CADM2: variants seen among roughly 807,000 people sequenced by gnomAD.
The protein encoded by CADM2 is immunoglobulin superfamily member 4D.
A neutral mutation model predicts 49.8 loss-of-function variants in CADM2; 12 were observed. That is an observed-to-expected ratio of 0.24 (90% confidence interval 0.15 to 0.39). The LOEUF is 0.39. Among genes scored for constraint, CADM2 ranks in the 10% least tolerant of loss-of-function variants. The pLI is 1.00. For missense variants in CADM2, 378 were observed against 492.3 expected, an observed-to-expected ratio of 0.77 and a Z score of 2.20; for synonymous variants, 214 against 175.4, an observed-to-expected ratio of 1.22 and a Z score of -1.74.
At chr3:85,765,538 C>T (rs1051500483) in intron 2 of CADM2, among the ~76,000 whole-genome samples, 1 of 151,992 alleles carries the variant, frequency 6.6e-6, no homozygotes, top group African/African-American at 2.4e-5. Flanking sequence ...GTCATAGTAT[C>T]TCCCTATTTC....
chr3:85,870,444 T>C (rs1457743591), intron 3 of CADM2, among the ~76,000 whole-genome samples: 1 of 152,090 alleles, frequency 6.6e-6, no homozygotes, highest in African/African-American at 2.4e-5. Context: ...GTCTGTTCCC[T>C]TCTTTGTGTC....
intron 6 of CADM2, among the ~76,000 whole-genome samples, chr3:85,923,796 T>C (rs972096658): frequency 1.1e-4 from 16 of 152,332 alleles, no homozygotes; most frequent in African/African-American, 3.8e-4. Flanking sequence ...CAGCTCCCTG[T>C]GGTTATCGGC....
chr3:85,980,439 G>C (rs2108667184), intron 8 of CADM2, among the ~76,000 whole-genome samples: 1 of 151,452 alleles, frequency 6.6e-6, no homozygotes, highest in South Asian at 2.1e-4. Flanking sequence ...TTTTAATAAT[G>C]ACATCAACTA....
chr3:85,138,224 A>T (rs1270643259), intron 1 of CADM2, among the ~76,000 whole-genome samples: 2 of 152,232 alleles, frequency 1.3e-5, no homozygotes, highest in South Asian at 4.1e-4. Flanking sequence ...CTTTATCTGC[A>T]GTGTCATGGG....
Position 85,456,901 on chromosome 3 carries a change from G to A in CADM2, c.62-269621G>A, listed in dbSNP as rs182619418. The stretch of plus-strand genomic sequence containing the variant: ...TACAATAAACAGCACTCATTGTCAG[G>A]CTGTTTAATGAAAAACGGATGTGTG... On this transcript the variant is annotated intron_variant, in intron 1 of 9. Transcript: ENST00000383699. 4.6e-5 allele frequency among the ~76,000 whole-genome samples: 7 copies of A among 151,542 alleles called. No homozygotes were observed. The East Asian group carries it at 1.4e-3, about 29-fold the overall frequency.
intron 2 of CADM2, among the ~76,000 whole-genome samples, chr3:85,740,827 T>G (rs2107824921): frequency 6.6e-6 from 1 of 152,340 alleles, no homozygotes; most frequent in East Asian, 1.9e-4. Context: ...TCTGTAGCTT[T>G]CCGGCTGTGA....
At chr3:86,063,907 TGTCATA>T (rs1159515044) in intron 8 of CADM2, among the ~76,000 whole-genome samples, 2 of 152,124 alleles carry the variant, frequency 1.3e-5, no homozygotes, top group African/African-American at 2.4e-5. Context: ...ATCTGATCTT[TGTCATA>T]GGGCTGAGTC....
chr3:85,132,080 G>A (rs1002573905), intron 1 of CADM2, among the ~76,000 whole-genome samples: 1 of 152,158 alleles, frequency 6.6e-6, no homozygotes, highest in African/African-American at 2.4e-5. Context: ...ATGTTTTCCT[G>A]AAATGAGAAG....
At chr3:85,949,698 A>G (rs1723177750) in intron 7 of CADM2, among the ~76,000 whole-genome samples, 1 of 151,220 alleles carries the variant, frequency 6.6e-6, no homozygotes, top group Non-Finnish European at 1.5e-5. Context: ...TATGGACTTT[A>G]CTATTATTTT....
intron 1 of CADM2, among the ~76,000 whole-genome samples, chr3:85,561,764 G>A (rs1314343618): frequency 1.3e-5 from 2 of 152,028 alleles, no homozygotes; most frequent in Admixed American, 6.5e-5. Flanking sequence ...TTTTAGGCAA[G>A]TGAGGTCTTG....
intron 2 of CADM2, among the ~76,000 whole-genome samples, chr3:85,729,019 C>A (rs2067824595): frequency 3.3e-5 from 5 of 152,112 alleles, no homozygotes; most frequent in Admixed American, 1.3e-4. Flanking sequence ...AATGTAGCAA[C>A]TAGCTCTTTG....
At chr3:86,042,262 A>G (rs1459816726) in intron 8 of CADM2, among the ~76,000 whole-genome samples, 1 of 152,148 alleles carries the variant, frequency 6.6e-6, no homozygotes, top group Non-Finnish European at 1.5e-5. Flanking sequence ...GACACAAAAA[A>G]CCCTTCAAAA....
intron 1 of CADM2, among the ~76,000 whole-genome samples, chr3:85,607,814 GC>G (rs1371221988): frequency 6.6e-6 from 1 of 151,856 alleles, no homozygotes; most frequent in Non-Finnish European, 1.5e-5. Flanking sequence ...AGGCCACCAT[GC>G]CCAGCTAATT....
intron 1 of CADM2, among the ~76,000 whole-genome samples, chr3:85,043,850 A>G (rs562985330): frequency 6.6e-6 from 1 of 152,276 alleles, no homozygotes; most frequent in African/African-American, 2.4e-5. Context: ...ATAAAATTCA[A>G]TATCCATGCA....
chr3:85,131,818 C>A (rs2039237444), intron 1 of CADM2, among the ~76,000 whole-genome samples: 1 of 151,314 alleles, frequency 6.6e-6, no homozygotes, highest in Non-Finnish European at 1.5e-5. Flanking sequence ...AAGTCACATA[C>A]ACTACGATAC....
intron 1 of CADM2, among the ~76,000 whole-genome samples, chr3:85,103,426 C>T (rs1482374850): frequency 6.6e-6 from 1 of 151,952 alleles, no homozygotes; most frequent in Non-Finnish European, 1.5e-5. Flanking sequence ...ATGATAGTTT[C>T]CTGTGTAATT....
In CADM2 at chr3:85,947,937, A is replaced by G. The variant is rs553217887; in HGVS notation, c.791+12080A>G. On this transcript the variant is annotated intron_variant, in intron 7 of 9. Coordinates refer to ENST00000383699, the MANE Select transcript of CADM2 (RefSeq NM_001167675.2). ...GCAGTTTTCTTGCAACAAAAAGCCA[A>G]TTATTTTGAGGGATTATGTAAATAT... is the stretch of plus-strand genomic sequence containing the variant. Among the ~76,000 whole-genome samples, 8 of 151,602 alleles carry G rather than the reference A, an allele frequency of 5.3e-5. No homozygotes were observed. The South Asian group carries it at 6.2e-4, about 12-fold the overall frequency.
chr3:85,832,661 C>T (rs763166596), intron 3 of CADM2, among the ~76,000 whole-genome samples: 1 of 151,598 alleles, frequency 6.6e-6, no homozygotes, highest in South Asian at 2.1e-4. Flanking sequence ...GATTTTGTAA[C>T]CTGAAATTTT....
chr3:85,169,820 A>T (rs1037289419), intron 1 of CADM2, among the ~76,000 whole-genome samples: 1 of 152,220 alleles, frequency 6.6e-6, no homozygotes, highest in Non-Finnish European at 1.5e-5. Flanking sequence ...AAATAAGATT[A>T]CTAAAAACAT....
Sources: gnomAD v4.1 joint callset for allele counts (sites outside exome capture counted in the v4.1 genomes callset) on GRCh38, gnomAD v4.1.1 for gene constraint, MANE v1.5 for transcripts, NCBI Gene and HGNC (gene_info 2026-07-23, HGNC 2026-07-21) for gene names.